The following DNAJC1 variants were observed in gnomAD, a reference collection of about 807,000 sequenced individuals.
The protein encoded by DNAJC1 is DnaJ heat shock protein family (Hsp40) member C1, also known as dnaJ homolog subfamily C member 1.
Under a neutral mutation model 76.6 loss-of-function variants are expected in DNAJC1, and 58 were observed. The observed-to-expected ratio is 0.76, with a 90% confidence interval of 0.61 to 0.94. The LOEUF (loss-of-function observed/expected upper bound fraction) is 0.94, where lower values mean the gene tolerates loss of function less well. DNAJC1 is among the 40% of genes least tolerant of loss of function. DNAJC1 has a pLI of 0.00. For missense variants in DNAJC1, 689 were observed against 677.3 expected (o/e 1.02, Z -0.19); for synonymous variants, 258 against 267.9 (o/e 0.96, Z 0.36).
At chr10:21,910,810 A>G (rs570785819) in intron 6 of DNAJC1, among the ~76,000 whole-genome samples, 6 of 127,556 alleles carry the variant, frequency 4.7e-5, no homozygotes, top group African/African-American at 1.8e-4. Flanking sequence ...CCAGAACAAG[A>G]AAAGAAAGGA....
rs1028162297 is a variant in DNAJC1, at chr10:21,876,501, C to T, written c.978+5781G>A. Among the ~76,000 whole-genome samples, 12 of 152,220 alleles carry T rather than the reference C, an allele frequency of 7.9e-5. No homozygotes were observed. The East Asian group carries it at 2.3e-3, about 29-fold the overall frequency. On this transcript the variant is annotated intron_variant, in intron 8 of 11. Coordinates refer to ENST00000376980, the MANE Select transcript of DNAJC1 (RefSeq NM_022365.4). Reference sequence around the variant, plus strand: ...GAATGTCAATTTCTCCACAACTGATCCATATATAATTGTTATCCCAATTAA... The same window carrying T: ...GAATGTCAATTTCTCCACAACTGATTCATATATAATTGTTATCCCAATTAA...
At chr10:21,832,360 T>C (rs1835372310) in intron 8 of DNAJC1, among the ~76,000 whole-genome samples, 1 of 152,214 alleles carries the variant, frequency 6.6e-6, no homozygotes, top group Non-Finnish European at 1.5e-5. Flanking sequence ...AGGTCCCCAG[T>C]AGTTACATCT....
At chr10:21,928,884 T>C (rs1196148489) in intron 2 of DNAJC1, among the ~76,000 whole-genome samples, 156 bp downstream of exon 2, 1 of 152,028 alleles carries the variant, frequency 6.6e-6, no homozygotes, top group Admixed American at 6.6e-5. Context: ...ATAGTAAAAA[T>C]GCATTTTGTA....
intron 8 of DNAJC1, among the ~76,000 whole-genome samples, 179 bp from the exon 9 acceptor site, chr10:21,806,278 A>AT (rs761617898): frequency 6.6e-6 from 1 of 152,202 alleles, no homozygotes; most frequent in Non-Finnish European, 1.5e-5. Flanking sequence ...TGAGCTGCAT[A>AT]TTTAACACTG....
intron 5 of DNAJC1, among the ~76,000 whole-genome samples, chr10:21,919,195 C>A (rs1306313573): frequency 6.6e-6 from 1 of 151,978 alleles, no homozygotes; most frequent in Non-Finnish European, 1.5e-5. Context: ...ACAACGAATT[C>A]TTAAGCCTTA....
chr10:21,804,362 C>A (rs1016096016), intron 9 of DNAJC1, among the ~76,000 whole-genome samples: 1 of 151,802 alleles, frequency 6.6e-6, no homozygotes, highest in Non-Finnish European at 1.5e-5. Context: ...AAGTTTAGGG[C>A]CTTTTTAAAC....
In DNAJC1 at chr10:21,925,943, C is replaced by T. The variant is rs189729761; in HGVS notation, c.371+2563G>A. Among the ~76,000 whole-genome samples, 337 of 152,242 alleles carry T rather than the reference C, an allele frequency of 2.2e-3. 3 individuals are homozygous for T. Among genetic ancestry groups the T allele is most frequent in the African/African-American group, 7.7e-3 (321 of 41,526 alleles). The stretch of plus-strand genomic sequence containing the variant: ...ACTTTTATTGTATGCAAATTATACC[C>T]AAATAAGGATGTTAAAAAATCAAAC... On this transcript the variant is annotated intron_variant, in intron 3 of 11. Transcript: ENST00000376980.
intron 7 of DNAJC1, among the ~76,000 whole-genome samples, chr10:21,884,880 TA>T (rs1308054344): frequency 6.6e-6 from 1 of 152,098 alleles, no homozygotes; most frequent in African/African-American, 2.4e-5. Context: ...AAAGGGGCAC[TA>T]AATACAGAAA....
intron 1 of DNAJC1, among the ~76,000 whole-genome samples, chr10:21,935,514 C>T (rs1040098061): frequency 9.2e-5 from 14 of 151,974 alleles, no homozygotes; most frequent in African/African-American, 2.7e-4. Context: ...CCAACAAACA[C>T]ATAATGGATC....
At chr10:21,822,658 T>C (rs1835180471) in intron 8 of DNAJC1, among the ~76,000 whole-genome samples, 1 of 152,026 alleles carries the variant, frequency 6.6e-6, no homozygotes, top group African/African-American at 2.4e-5. Context: ...GGGTTAGAAA[T>C]ACAAGTGTTA....
rs377242787 is a variant in DNAJC1 at position 21,840,549 on chromosome 10, T to C, written c.979-34450A>G. ...ACCTAGGAATCCAACTTACAAGGGA[T>C]GTGAAGGACTTCTTCAAGGAGAACT... On this transcript the variant is annotated intron_variant, in intron 8 of 11. Transcript: ENST00000376980. Among the ~76,000 whole-genome samples, 4 of 152,246 alleles carry C rather than the reference T, an allele frequency of 2.6e-5. No individual in the cohort carries two copies. The East Asian group carries it at 7.7e-4, about 29-fold the overall frequency.
intron 1 of DNAJC1, among the ~76,000 whole-genome samples, chr10:21,943,165 G>T (rs926833091): frequency 6.6e-6 from 1 of 151,326 alleles, no homozygotes; most frequent in Non-Finnish European, 1.5e-5. Context: ...CAGCTAACAA[G>T]ACAAACTAAA....
intron 1 of DNAJC1, among the ~76,000 whole-genome samples, chr10:21,980,045 C>T (rs1025084551): frequency 7.2e-5 from 11 of 151,888 alleles, no homozygotes; most frequent in Admixed American, 1.3e-4. Context: ...AACAGAGTTG[C>T]GGGGCTGGAA....
intron 10 of DNAJC1, among the ~76,000 whole-genome samples, chr10:21,763,565 G>GTTTTTT (rs34169717): frequency 7.9e-6 from 1 of 127,366 alleles, no homozygotes; most frequent in Non-Finnish European, 1.6e-5. Context: ...TGTGCAGGTT[G>GTTTTTT]TTTTTTTTTT....
intron 8 of DNAJC1, among the ~76,000 whole-genome samples, chr10:21,824,984 C>G (rs1835223424): frequency 6.6e-6 from 1 of 152,082 alleles, no homozygotes; most frequent in Non-Finnish European, 1.5e-5. Flanking sequence ...TCACCTTGGT[C>G]AGATTGGTCT....
chr10:21,777,694 T>C (rs1172242296), intron 9 of DNAJC1, among the ~76,000 whole-genome samples: 2 of 152,342 alleles, frequency 1.3e-5, no homozygotes, highest in East Asian at 3.9e-4. Context: ...AAGGGCAACA[T>C]AGCCTAAGAA....
At chr10:21,975,036 A>T (rs777902654) in intron 1 of DNAJC1, among the ~76,000 whole-genome samples, 4 of 152,118 alleles carry the variant, frequency 2.6e-5, no homozygotes, top group Non-Finnish European at 5.9e-5. Context: ...ATGGTATGGA[A>T]GTATATATTT....
intron 1 of DNAJC1, 81 bp from the exon 2 acceptor site, chr10:21,929,222 G>A: frequency 1.0e-6 from 1 of 968,094 alleles, no homozygotes; most frequent in Non-Finnish European, 1.6e-6. Flanking sequence ...TAAGATCTGA[G>A]AAGACAGCCA....
chr10:21,991,989 AC>A (rs1321768735), intron 1 of DNAJC1, among the ~76,000 whole-genome samples: 1 of 152,248 alleles, frequency 6.6e-6, no homozygotes, highest in Non-Finnish European at 1.5e-5. Context: ...CTGACTTAGT[AC>A]AAAAAATTAA....
Sources: allele counts gnomAD v4.1 joint callset (sites outside exome capture counted in the v4.1 genomes callset), GRCh38; gene constraint gnomAD v4.1.1; transcripts MANE v1.5; gene names NCBI Gene and HGNC (gene_info 2026-07-23, HGNC 2026-07-21).